The following MACROD2 variants were observed in gnomAD, a reference collection of about 807,000 sequenced individuals.
MACROD2 encodes mono-ADP ribosylhydrolase 2, also known as ADP-ribose glycohydrolase MACROD2.
MACROD2 carries 36 observed loss-of-function variants against 70.4 expected under a neutral mutation model. The ratio of observed to expected loss-of-function variants is 0.51; its 90% CI spans 0.39 to 0.68. The LOEUF (loss-of-function observed/expected upper bound fraction) is 0.68, where lower values mean the gene tolerates loss of function less well. Among genes scored for constraint, MACROD2 ranks in the 30% least tolerant of loss-of-function variants. MACROD2 has a pLI of 0.00. For missense variants in MACROD2, 496 were observed against 538.4 expected, an observed-to-expected ratio of 0.92 and a Z score of 0.78; for synonymous variants, 172 against 178.8, an observed-to-expected ratio of 0.96 and a Z score of 0.30.
At chr20:14,229,324 C>T (rs2081777952) in intron 3 of MACROD2, among the ~76,000 whole-genome samples, 1 of 152,074 alleles carries the variant, frequency 6.6e-6, no homozygotes, top group South Asian at 2.1e-4. Context: ...AATATATATC[C>T]ATCTGATAAA....
intron 5 of MACROD2, among the ~76,000 whole-genome samples, chr20:15,186,009 G>A (rs2076532360): frequency 6.6e-6 from 1 of 152,094 alleles, no homozygotes; most frequent in South Asian, 2.1e-4. Flanking sequence ...AAAAGACTGG[G>A]GTATGTGTAT....
intron 5 of MACROD2, among the ~76,000 whole-genome samples, chr20:14,802,497 G>T (rs13043371): frequency 6.6e-6 from 1 of 152,024 alleles, no homozygotes; most frequent in East Asian, 1.9e-4. Flanking sequence ...TGATACATGT[G>T]CTTACACATT....
At chr20:15,923,086 G>T (rs2065435314) in intron 10 of MACROD2, among the ~76,000 whole-genome samples, 1 of 152,186 alleles carries the variant, frequency 6.6e-6, no homozygotes, top group African/African-American at 2.4e-5. Flanking sequence ...ATAGCCACAT[G>T]TAATTAACAA....
At chr20:14,738,290 T>A (rs980332412) in intron 5 of MACROD2, among the ~76,000 whole-genome samples, 7 of 151,792 alleles carry the variant, frequency 4.6e-5, no homozygotes, top group Non-Finnish European at 8.8e-5. Flanking sequence ...GAATAAAGAG[T>A]ATTAAAACAC....
At chr20:14,168,805 C>A (rs2148722660) in intron 3 of MACROD2, among the ~76,000 whole-genome samples, 1 of 152,240 alleles carries the variant, frequency 6.6e-6, no homozygotes, top group South Asian at 2.1e-4. Flanking sequence ...ATCCTATTGA[C>A]ACTATTCCAC....
At position 14,801,895 on chromosome 20, in the gene MACROD2, G is replaced by A. The variant is rs570020854; in HGVS notation, c.418+116936G>A. ...CAGTCCTATTTTTCTGATTGTTTTC[G>A]TTTTGACTTTCCAAAAGATGAAATT... On this transcript the variant is annotated intron_variant, in intron 5 of 17. Coordinates refer to ENST00000684519, the MANE Select transcript of MACROD2 (RefSeq NM_001351661.2). Among the ~76,000 whole-genome samples, 31 of 152,052 alleles carry A rather than the reference G, an allele frequency of 2.0e-4. 2 individuals are homozygous for A. The East Asian group carries it at 3.3e-3, about 16-fold the overall frequency.
chr20:14,027,831 T>G (rs1272775239), intron 2 of MACROD2, among the ~76,000 whole-genome samples: 1 of 152,140 alleles, frequency 6.6e-6, no homozygotes, highest in Non-Finnish European at 1.5e-5. Flanking sequence ...GGAGCTCTCC[T>G]GTATGAGGTG....
chr20:14,908,380 C>T lies in MACROD2; in HGVS notation c.418+223421C>T, dbSNP rs191520683. Among the ~76,000 whole-genome samples, 26 of 151,768 alleles carry T rather than the reference C, an allele frequency of 1.7e-4. No homozygotes were observed. In the East Asian group the frequency reaches 3.1e-3, roughly 18 times the overall value. Reference sequence around the variant, plus strand: ...AATAAAAAGTGTATTGTCGGCCACGCATGGTGGCTCATGCTTATAATCCCA... The same window carrying T: ...AATAAAAAGTGTATTGTCGGCCACGTATGGTGGCTCATGCTTATAATCCCA... On this transcript the variant is annotated intron_variant, in intron 5 of 17. Transcript: ENST00000684519.
At chr20:15,945,841 C>A (rs1263860947) in intron 12 of MACROD2, among the ~76,000 whole-genome samples, 1 of 152,132 alleles carries the variant, frequency 6.6e-6, no homozygotes, top group Non-Finnish European at 1.5e-5. Flanking sequence ...ATTTTCTATC[C>A]ACCATGCTGC....
intron 8 of MACROD2, among the ~76,000 whole-genome samples, chr20:15,815,797 C>T (rs1041909545): frequency 6.6e-6 from 1 of 152,112 alleles, no homozygotes; most frequent in Non-Finnish European, 1.5e-5. Flanking sequence ...TGCCAGTCAG[C>T]TTGTTGCCAC....
chr20:14,154,007 G>C (rs985890706), intron 3 of MACROD2, among the ~76,000 whole-genome samples: 2 of 152,298 alleles, frequency 1.3e-5, no homozygotes, highest in South Asian at 4.1e-4. Flanking sequence ...AAATGCGATA[G>C]GAATATTTTA....
At position 16,045,778 on chromosome 20, in the gene MACROD2, A is replaced by G. The variant is rs551779634; in HGVS notation, c.1300+1139A>G. The stretch of plus-strand genomic sequence containing the variant: ...GCCGTAGTTAGCTCACCCTGCATGA[A>G]GAGATGAGCAAAAGCAATCAACCTA... On this transcript the variant is annotated intron_variant, in intron 17 of 17. Transcript: ENST00000684519. Among the ~76,000 whole-genome samples, 3 of 152,256 alleles carry G rather than the reference A, an allele frequency of 2.0e-5. No homozygotes were observed. In the South Asian group the frequency reaches 6.2e-4, roughly 32 times the overall value.
At chr20:14,499,377 T>C (rs1748235436) in intron 4 of MACROD2, among the ~76,000 whole-genome samples, 1 of 151,762 alleles carries the variant, frequency 6.6e-6, no homozygotes, top group African/African-American at 2.4e-5. Context: ...CAAAAAATAA[T>C]CAAAAATTAG....
intron 5 of MACROD2, among the ~76,000 whole-genome samples, chr20:15,037,668 AT>A (rs1385868329): frequency 1.2e-4 from 17 of 147,140 alleles, no homozygotes; most frequent in African/African-American, 4.2e-4. Context: ...ACTTTTAACT[AT>A]TTTAACTTTA....
chr20:14,639,202 T>C (rs548507773), intron 4 of MACROD2, among the ~76,000 whole-genome samples: 1 of 152,300 alleles, frequency 6.6e-6, no homozygotes, highest in South Asian at 2.1e-4. Flanking sequence ...GTTTCCATTT[T>C]AGTGTAGTCT....
chr20:14,666,186 C>T (rs986303424), intron 4 of MACROD2, among the ~76,000 whole-genome samples: 3 of 152,050 alleles, frequency 2.0e-5, no homozygotes, highest in African/African-American at 7.2e-5. Flanking sequence ...GCAATGATAT[C>T]CCCAAGTATA....
chr20:14,332,276 A>G (rs1193387055), intron 3 of MACROD2, among the ~76,000 whole-genome samples: 1 of 152,126 alleles, frequency 6.6e-6, no homozygotes, highest in African/African-American at 2.4e-5. Context: ...CACCCAATAA[A>G]ACATGTAAAT....
chr20:15,325,400 G>A (rs184341009), intron 6 of MACROD2, among the ~76,000 whole-genome samples: 23 of 152,258 alleles, frequency 1.5e-4, no homozygotes, highest in African/African-American at 5.5e-4. Flanking sequence ...TGTAACATTT[G>A]AGGCTCCCCA....
At chr20:15,797,406 C>T (rs2063684590) in intron 8 of MACROD2, among the ~76,000 whole-genome samples, 1 of 152,184 alleles carries the variant, frequency 6.6e-6, no homozygotes, top group African/African-American at 2.4e-5. Context: ...TGAGCCACCG[C>T]GCCCAGCCTT....
Sources: gnomAD v4.1 joint callset for allele counts (sites outside exome capture counted in the v4.1 genomes callset) on GRCh38, gnomAD v4.1.1 for gene constraint, MANE v1.5 for transcripts, NCBI Gene and HGNC (gene_info 2026-07-23, HGNC 2026-07-21) for gene names.